Variants in POU6F2 observed in about 807,000 individuals in gnomAD.
The protein encoded by POU6F2 is POU class 6 homeobox 2.
Under a neutral mutation model 71.3 loss-of-function variants are expected in POU6F2, and 31 were observed. The observed-to-expected ratio is 0.43, with a 90% CI of 0.33 to 0.59. The LOEUF is 0.59. POU6F2 is among the 20% of genes least tolerant of loss of function. The pLI is 0.04. For synonymous variants in POU6F2, 347 were observed against 355.7 expected (o/e 0.98, Z 0.27); for missense variants, 783 against 856.8 (o/e 0.91, Z 1.07).
At chr7:39,178,302 C>G (rs1793370381) in intron 2 of POU6F2, among the ~76,000 whole-genome samples, 1 of 151,972 alleles carries the variant, frequency 6.6e-6, no homozygotes. Context: ...TTTACTATTC[C>G]CCATTTTTAT....
intron 1 of POU6F2, among the ~76,000 whole-genome samples, chr7:39,026,366 A>G (rs1789800395): frequency 1.3e-5 from 2 of 152,136 alleles, no homozygotes; most frequent in African/African-American, 4.8e-5. Flanking sequence ...TCTAACAATG[A>G]TAGACTGGAT....
chr7:39,006,861 T>C, intron 1 of POU6F2: 2 of 1,613,718 alleles, frequency 1.2e-6, no homozygotes. Context: ...TGAGTGCTCT[T>C]CTTCAGGTAT....
chr7:39,101,361 C>T (rs529399423), intron 2 of POU6F2, among the ~76,000 whole-genome samples: 72 of 152,188 alleles, frequency 4.7e-4, no homozygotes, highest in African/African-American at 1.6e-3. Flanking sequence ...AAGCGTGAGC[C>T]GCCATGCCAG....
At chr7:39,156,061 A>G (rs911507726) in intron 2 of POU6F2, among the ~76,000 whole-genome samples, 4 of 152,162 alleles carry the variant, frequency 2.6e-5, no homozygotes, top group Admixed American at 2.0e-4. Flanking sequence ...TTAAATACAC[A>G]TTTTGGCTGA....
intron 1 of POU6F2, among the ~76,000 whole-genome samples, chr7:39,003,603 G>T (rs1393308436): frequency 1.5e-5 from 2 of 134,100 alleles, no homozygotes; most frequent in Non-Finnish European, 3.2e-5. Flanking sequence ...AAAAAAATTA[G>T]CTGGGCGTGG....
Position 39,460,538 on chromosome 7 carries a change from T to C in POU6F2, c.1490-9T>C. The C allele has an allele frequency of 1.9e-6, 3 of 1,612,984 alleles. No homozygotes were observed. Among genetic ancestry groups the C allele is most frequent in the Non-Finnish European group, 1.7e-6 (2 of 1,179,450 alleles). ...CGTATTGATCCTATTTTTAAAAACATCTCCACAGATCCTCAAACGGCAGCG... is the reference window on the plus strand; with the variant it reads ...CGTATTGATCCTATTTTTAAAAACACCTCCACAGATCCTCAAACGGCAGCG... On this transcript the variant is annotated splice_polypyrimidine_tract_variant and intron_variant, in intron 8 of 9. Coordinates refer to ENST00000518318, the MANE Select transcript of POU6F2 (RefSeq NM_001370959.1). This position sits in a 1 kb window ranked among gnomAD's most constrained non-coding sequence, Gnocchi z 4.4.
chr7:39,384,803 C>T (rs968337018), intron 5 of POU6F2, among the ~76,000 whole-genome samples: 2 of 152,190 alleles, frequency 1.3e-5, no homozygotes, highest in Non-Finnish European at 2.9e-5. Context: ...GTGGTTTATC[C>T]ATTTGCTATT....
rs557568266 is a variant in POU6F2 at position 39,324,741 on chromosome 7, G to A, written c.599-14901G>A. ...AAACACTTGTAATCATATAGATGAT[G>A]CAACCATATTACATCCTAGCCCCAT... On this transcript the variant is annotated intron_variant, in intron 4 of 9. Transcript: ENST00000518318. Among the ~76,000 whole-genome samples, 9 of 152,296 alleles carry A rather than the reference G, an allele frequency of 5.9e-5. No homozygotes were observed. In the South Asian group the frequency reaches 1.0e-3, roughly 18 times the overall value.
chr7:39,420,307 A>T (rs1374444993), intron 6 of POU6F2, among the ~76,000 whole-genome samples: 1 of 152,250 alleles, frequency 6.6e-6, no homozygotes. Context: ...GTTTATGTTT[A>T]AAAGGTGATA....
At chr7:39,380,348 T>A (rs1786801817) in intron 5 of POU6F2, among the ~76,000 whole-genome samples, 1 of 152,194 alleles carries the variant, frequency 6.6e-6, no homozygotes, top group Non-Finnish European at 1.5e-5. Flanking sequence ...GTTGTGGGAT[T>A]AAGTGCAGTA....
intron 4 of POU6F2, among the ~76,000 whole-genome samples, chr7:39,275,430 T>C (rs1784418143): frequency 6.6e-6 from 1 of 152,202 alleles, no homozygotes; most frequent in Non-Finnish European, 1.5e-5. Context: ...GAACATTCCA[T>C]GCTCATGGGT....
In POU6F2 at chr7:39,460,466, C is replaced by G. The variant is rs899626296; in HGVS notation, c.1490-81C>G. ...ACTGCTCTGCTGTTAAAGAGAGCCA[C>G]TTTCTTATAAACCGTAATAAACAGA... On this transcript the variant is annotated intron_variant, in intron 8 of 9. Transcript: ENST00000518318. The surrounding 1 kb of genome is among the most constrained non-coding windows in gnomAD (Gnocchi z 4.4). 1.3e-6 allele frequency: 2 copies of G among 1,508,524 alleles called. No homozygotes were observed. The highest frequency in any genetic ancestry group is 1.8e-6 in the Non-Finnish European group (2 of 1,108,140). The allele number at this position is 1,508,524 out of a possible 1,614,324, so 93.4% of individuals were successfully genotyped here. A position where few individuals can be genotyped will look rare whatever the true frequency, so the allele number is the denominator to read the frequency against.
At position 39,108,562 on chromosome 7, in the gene POU6F2, C is replaced by G. The variant is rs550168290; in HGVS notation, c.277+22531C>G. Among the ~76,000 whole-genome samples, 7 of 152,234 alleles carry G rather than the reference C, an allele frequency of 4.6e-5. No individual in the cohort carries two copies. The South Asian group carries it at 1.4e-3, about 32-fold the overall frequency. The stretch of plus-strand genomic sequence containing the variant: ...ATCCCCAGAAACTTGATCATGTTCC[C>G]CCAGCCTAGGCTGGTTGTGTACACC... On this transcript the variant is annotated intron_variant, in intron 2 of 9. Coordinates refer to ENST00000518318, the MANE Select transcript of POU6F2 (RefSeq NM_001370959.1).
chr7:39,385,428 A>G (rs945269449), intron 5 of POU6F2, among the ~76,000 whole-genome samples: 23 of 152,216 alleles, frequency 1.5e-4, no homozygotes, highest in African/African-American at 5.5e-4. Context: ...GTCCTGGGAA[A>G]CCATCACCAG....
intron 7 of POU6F2, among the ~76,000 whole-genome samples, chr7:39,441,889 C>T (rs1015866505): frequency 1.3e-5 from 2 of 152,100 alleles, no homozygotes; most frequent in East Asian, 1.9e-4. Flanking sequence ...TGACCGAGCA[C>T]ATGGCTTTAT....
At chr7:39,371,687 A>G (rs540204800) in intron 5 of POU6F2, among the ~76,000 whole-genome samples, 4 of 152,124 alleles carry the variant, frequency 2.6e-5, no homozygotes, top group Non-Finnish European at 5.9e-5. Flanking sequence ...TGCTGGACAC[A>G]CTGTGGTTAC....
chr7:39,415,934 A>C (rs750300755), intron 6 of POU6F2, among the ~76,000 whole-genome samples: 1 of 151,956 alleles, frequency 6.6e-6, no homozygotes, highest in Non-Finnish European at 1.5e-5. Context: ...GTCCATTCCC[A>C]TCCTTCCATA....
At chr7:39,218,822 G>A (rs1294032184) in intron 4 of POU6F2, among the ~76,000 whole-genome samples, 1 of 152,058 alleles carries the variant, frequency 6.6e-6, no homozygotes, top group African/African-American at 2.4e-5. Context: ...ACCATGATTC[G>A]TTCAAATTTG....
Position 39,074,071 on chromosome 7 carries a change from G to A in POU6F2, c.106-11789G>A, listed in dbSNP as rs374773447. On this transcript the variant is annotated intron_variant, in intron 1 of 9. Transcript: ENST00000518318. ...TTATTTTTAAAAATCTAAATTGGCC[G>A]GGCATGGTGGCTTACGCCTGTAATC... 5.6e-4 allele frequency among the ~76,000 whole-genome samples: 86 copies of A among 152,244 alleles called. 1 individual carries two copies. The South Asian group carries it at 0.016, about 28-fold the overall frequency.
Sources: gnomAD v4.1 joint callset for allele counts (sites outside exome capture counted in the v4.1 genomes callset) on GRCh38, gnomAD v4.1.1 for gene constraint, Gnocchi (gnomAD v3.1) non-coding constraint, MANE v1.5 for transcripts, NCBI Gene and HGNC (gene_info 2026-07-23, HGNC 2026-07-21) for gene names.